Variants in SH2D3A observed in about 807,000 individuals in gnomAD.
SH2D3A encodes the protein SH2 domain containing 3A.
Under a neutral mutation model 50.6 loss-of-function variants are expected in SH2D3A, and 46 were observed. The ratio of observed to expected loss-of-function variants is 0.91; its 90% CI spans 0.72 to 1.16. The LOEUF (loss-of-function observed/expected upper bound fraction) is 1.16. SH2D3A is among the 50% of genes most tolerant of loss of function. SH2D3A has a pLI of 0.00. For synonymous variants in SH2D3A, 377 were observed against 348.4 expected, an observed-to-expected ratio of 1.08 and a Z score of -0.91; for missense variants, 783 against 786.2, an observed-to-expected ratio of 1.00 and a Z score of 0.05.
rs1568262465 is a variant in SH2D3A at position 6,754,398 on chromosome 19, CGCCCCGGCCAGCGCCAGT to C, written c.1107_1124del (p.Leu372_Ala377del). The stretch of plus-strand genomic sequence containing the variant: ...GCCCCGAGCAGCCCAGCACCGCCAG[CGCCCCGGCCAGCGCCAGT>C]GTCTGATGCCTGCAGAGGTGGAGGG... On this transcript the variant is annotated inframe_deletion, in exon 7 of 10. Transcript: ENST00000245908. 1 of 1,526,578 alleles carries C rather than the reference CGCCCCGGCCAGCGCCAGT, an allele frequency of 6.6e-7. No individual in the cohort carries two copies. The highest frequency in any genetic ancestry group is 2.3e-5 in the East Asian group (1 of 44,286). The allele number at this position is 1,526,578 out of a possible 1,614,324, so 94.6% of individuals were successfully genotyped here. A position where few individuals can be genotyped will look rare whatever the true frequency, so the allele number is the denominator to read the frequency against.
At chr19:6,752,996 C>T (rs1969406040) in intron 9 of SH2D3A, 2 of 985,202 alleles carry the variant, frequency 2.0e-6, no homozygotes. Context: ...GTTCCAGGTG[C>T]CAGATCCTGG....
chr19:6,761,451 T>TAAA (rs1970015616), intron 2 of SH2D3A, among the ~76,000 whole-genome samples: 1 of 152,244 alleles, frequency 6.6e-6, no homozygotes. Context: ...TGACTGTGTT[T>TAAA]AGCTGGTGAT....
chr19:6,753,811 G>A (rs1969475132), intron 8 of SH2D3A, among the ~76,000 whole-genome samples, 170 bp from the exon 9 acceptor site: 6 of 152,174 alleles, frequency 3.9e-5, no homozygotes, highest in Admixed American at 1.3e-4. Flanking sequence ...TATGGCGAAG[G>A]GGCGTAGCCT....
In SH2D3A at chr19:6,754,390, A is replaced by G. The variant is rs368900527; in HGVS notation, c.1133T>C (p.Val378Ala). The change falls in exon 7 of 10, where the codon GTG becomes GCG. Residue 378 changes from valine (V) to alanine (A), a missense_variant. Physicochemically the swap from Val to Ala is moderately conservative, Grantham distance 64 (BLOSUM62 0). Transcript: ENST00000245908. The stretch of plus-strand genomic sequence containing the variant: ...CTCCAGCGGCCCCGAGCAGCCCAGC[A>G]CCGCCAGCGCCCCGGCCAGCGCCAG... The part of the protein sequence containing the change: ...QTLALAGALA[V>A]LGCSGPLEER... The G allele has an allele frequency of 1.5e-4, 229 of 1,534,380 alleles. 5 individuals are homozygous for G. The highest frequency in any genetic ancestry group is 9.5e-4 in the African/African-American group (69 of 72,908).
At chr19:6,756,284 T>C (rs957132219) in intron 4 of SH2D3A, among the ~76,000 whole-genome samples, 38 of 150,402 alleles carry the variant, frequency 2.5e-4, no homozygotes, top group African/African-American at 9.0e-4. Flanking sequence ...TTTTTTGTGA[T>C]AATATATCTC....
Position 6,752,662 on chromosome 19 carries a change from G to A in SH2D3A, c.1662C>T (p.Arg554=). The A allele has an allele frequency of 6.4e-7, 1 of 1,555,422 alleles. No homozygotes were observed. The change falls in exon 10 of 10, where the codon CGC becomes CGT. Residue 554 remains arginine, a synonymous_variant. Coordinates refer to ENST00000245908, the MANE Select transcript of SH2D3A (RefSeq NM_005490.3). ...LWGSRGAGAP[R]AERFEKFQRV... ...GCTGGAACTTCTCAAAGCGTTCAGC[G>A]CGCGGAGCTCCCGCGCCCCGGCTAC...
In SH2D3A at chr19:6,759,620, C is replaced by A. The variant is rs62125124; in HGVS notation, c.470G>T (p.Arg157Leu). 2 of 1,613,822 alleles carry A rather than the reference C, an allele frequency of 1.2e-6. No individual in the cohort carries two copies. The highest frequency in any genetic ancestry group is 1.7e-6 in the Non-Finnish European group (2 of 1,179,908). Residue 157 changes from arginine to leucine, a missense_variant, in exon 4 of 10, where the codon CGG becomes CTG. Transcript: ENST00000245908. ...CATCCCAGCGGGGTCTTCTCTTGAC[C>A]GCCCCATATGTGCCAAATCTGCAGG... The part of the protein sequence containing the change: ...SQPADLAHMG[R>L]SREDPAGMEA...
rs1010973864 is a variant in SH2D3A at position 6,752,539 on chromosome 19, C to T, written c.*54G>A. 2 of 1,456,304 alleles carry T rather than the reference C, an allele frequency of 1.4e-6. No individual in the cohort carries two copies. The highest frequency in any genetic ancestry group is 2.5e-5 in the East Asian group (1 of 40,164). 90.2% of individuals were successfully genotyped at this position (1,456,304 alleles called of 1,614,324 possible). ...CCTGGGACGACTCCTTTGGTCTCTT[C>T]TGGGGTTCGCAAAAACCTGGGGGTC... On this transcript the variant is annotated 3_prime_UTR_variant, in exon 10 of 10. Transcript: ENST00000245908.
At chr19:6,762,099 C>G (rs1279522322) in intron 2 of SH2D3A, among the ~76,000 whole-genome samples, 1 of 152,020 alleles carries the variant, frequency 6.6e-6, no homozygotes, top group Admixed American at 6.6e-5. Context: ...GTAGCCCTTA[C>G]TATATGTCAA....
chr19:6,760,307 C>T (rs1308342246), intron 3 of SH2D3A, among the ~76,000 whole-genome samples: 1 of 151,998 alleles, frequency 6.6e-6, no homozygotes, highest in Non-Finnish European at 1.5e-5. Context: ...ACCCGGGAGG[C>T]GGAGGTTGCA....
chr19:6,763,044 A>G (rs748720118), intron 2 of SH2D3A, among the ~76,000 whole-genome samples: 6 of 146,966 alleles, frequency 4.1e-5, no homozygotes, highest in Non-Finnish European at 9.0e-5. Flanking sequence ...TGGAGGTGGG[A>G]GCCTCAGATT....
rs1371858653 is a variant in SH2D3A at position 6,752,588 on chromosome 19, C to T, written c.*5G>A. ...TCCCGGGTGTGAAGAAGGGTGTCTG[C>T]GCTCTCAGCGGTCAGGCTCCAGGCG... is the stretch of plus-strand genomic sequence containing the variant. On this transcript the variant is annotated 3_prime_UTR_variant, in exon 10 of 10. Transcript: ENST00000245908. 5.8e-6 allele frequency: 9 copies of T among 1,538,846 alleles called. No homozygotes were observed. Among genetic ancestry groups the T allele is most frequent in the East Asian group, 4.7e-5 (2 of 42,190 alleles).
chr19:6,757,878 G>A (rs1969784740), intron 4 of SH2D3A: 1 of 152,218 alleles, frequency 6.6e-6, no homozygotes, highest in African/African-American at 2.4e-5. Flanking sequence ...AGGAGGTGGA[G>A]GTTGCAGTGA....
chr19:6,752,629 G>A lies in SH2D3A; in HGVS notation c.1695C>T (p.Leu565=), dbSNP rs149467413. 61 of 1,558,992 alleles carry A rather than the reference G, an allele frequency of 3.9e-5. No individual in the cohort carries two copies. The highest frequency in any genetic ancestry group is 4.8e-5 in the Non-Finnish European group (55 of 1,150,934). Residue 565 remains leucine (L), a synonymous_variant, in exon 10 of 10, where the codon CTC becomes CTT. Coordinates refer to ENST00000245908, the MANE Select transcript of SH2D3A (RefSeq NM_005490.3). ...AERFEKFQRV[L]GVLSQRLEPD... Reference sequence around the variant, plus strand: ...GCTCCAGGCGCTGCGACAGGACGCCGAGGACGCGCTGGAACTTCTCAAAGC... The same window carrying A: ...GCTCCAGGCGCTGCGACAGGACGCCAAGGACGCGCTGGAACTTCTCAAAGC...
In SH2D3A at chr19:6,761,087, T is replaced by G. The variant is rs1969991302; in HGVS notation, c.70-100A>C. 4 of 947,226 alleles carry G rather than the reference T, an allele frequency of 4.2e-6. No individual in the cohort carries two copies. The South Asian group carries it at 5.3e-5, about 12-fold the overall frequency. The allele number at this position is 947,226 out of a possible 1,614,324, so 58.7% of individuals were successfully genotyped here. A position where few individuals can be genotyped will look rare whatever the true frequency, so the allele number is the denominator to read the frequency against. ...ATTGCCCCCACCACCCAAGAAAAGC[T>G]ACCCCAGTGAAACTTCTGTGGCAGG... On this transcript the variant is annotated intron_variant, in intron 2 of 9. Transcript: ENST00000245908.
At chr19:6,754,553 G>A in intron 6 of SH2D3A, 63 bp downstream of exon 6, 4 of 1,606,000 alleles carry the variant, frequency 2.5e-6, no homozygotes, top group Non-Finnish European at 3.4e-6. Context: ...GGAGCTGTTT[G>A]GAGATCTTGG....
At chr19:6,754,538 A>G in intron 6 of SH2D3A, 78 bp downstream of exon 6, 1 of 1,596,472 alleles carries the variant, frequency 6.3e-7, no homozygotes, top group Non-Finnish European at 8.5e-7. Flanking sequence ...GGGAACCATG[A>G]GTGGGGAGCT....
chr19:6,764,072 C>A (rs1410111833), intron 1 of SH2D3A: 2 of 167,286 alleles, frequency 1.2e-5, no homozygotes, highest in South Asian at 1.5e-4. Context: ...ACCACCACAC[C>A]CAGCTAATGT....
intron 8 of SH2D3A, among the ~76,000 whole-genome samples, 169 bp downstream of exon 8, chr19:6,753,883 G>C (rs1343718155): frequency 1.3e-5 from 2 of 151,890 alleles, no homozygotes; most frequent in African/African-American, 4.8e-5. Context: ...CTCGTGTGGA[G>C]GGCGGGGCCT....
Sources: gnomAD v4.1 joint callset for allele counts (sites outside exome capture counted in the v4.1 genomes callset) on GRCh38, gnomAD v4.1.1 for gene constraint, MANE v1.5 for transcripts, NCBI Gene and HGNC (gene_info 2026-07-23, HGNC 2026-07-21) for gene names.